The following SNRNP40 variants were observed in gnomAD, a reference collection of about 807,000 sequenced individuals.
SNRNP40 encodes U5 small nuclear ribonucleoprotein 40 kDa protein.
Under a neutral mutation model 45.8 loss-of-function variants are expected in SNRNP40, and 21 were observed. The observed-to-expected ratio is 0.46, with a 90% CI of 0.32 to 0.66. The LOEUF is 0.66. Among genes scored for constraint, SNRNP40 ranks in the 30% least tolerant of loss-of-function variants. The pLI is 0.03. For synonymous variants in SNRNP40, 142 were observed against 163.8 expected (o/e 0.87, Z 1.01); for missense variants, 344 against 439.1 (o/e 0.78, Z 1.94).
intron 3 of SNRNP40, among the ~76,000 whole-genome samples, chr1:31,289,945 G>A (rs776871465): frequency 2.0e-5 from 3 of 151,756 alleles, no homozygotes; most frequent in South Asian, 2.1e-4. Context: ...CTGCAGCCTC[G>A]ACCTCCTGGG....
intron 5 of SNRNP40, among the ~76,000 whole-genome samples, chr1:31,279,580 T>C (rs906218574): frequency 6.6e-6 from 1 of 151,718 alleles, no homozygotes; most frequent in African/African-American, 2.4e-5. Context: ...AAACCCTGTC[T>C]CTACCAAAAA....
Position 31,296,728 on chromosome 1 carries a change from C to T in SNRNP40, c.24G>A (p.Lys8=), listed in dbSNP as rs201970756. 3.5e-5 allele frequency: 56 copies of T among 1,612,020 alleles called. No individual in the cohort carries two copies. The highest frequency in any genetic ancestry group is 3.3e-4 in the Middle Eastern group (2 of 6,072). ...CTGGAACCAGCGGCAACTCTGGGCCCTTACGCTTCTGCTGTTCTATCATGG... is the reference window on the plus strand; with the variant it reads ...CTGGAACCAGCGGCAACTCTGGGCCTTTACGCTTCTGCTGTTCTATCATGG... MIEQQKR[K]GPELPLVPVK... Residue 8 remains lysine, a synonymous_variant, in exon 1 of 10, where the codon AAG becomes AAA. Coordinates refer to ENST00000263694, the MANE Select transcript of SNRNP40 (RefSeq NM_004814.3).
At chr1:31,261,784 GTT>G (rs1645860884) in intron 8 of SNRNP40, 152 bp from the exon 9 acceptor site, 2 of 571,140 alleles carry the variant, frequency 3.5e-6, no homozygotes, top group Non-Finnish European at 6.3e-6. Flanking sequence ...GGAACACAGA[GTT>G]TGAATAAGAC....
intron 8 of SNRNP40, among the ~76,000 whole-genome samples, chr1:31,264,186 C>A (rs1047620295): frequency 4.5e-4 from 68 of 152,186 alleles, no homozygotes; most frequent in African/African-American, 1.6e-3. Flanking sequence ...CACTTTTGGT[C>A]AAAAATGCAA....
chr1:31,272,892 C>T (rs981289375), intron 5 of SNRNP40, among the ~76,000 whole-genome samples: 1 of 152,192 alleles, frequency 6.6e-6, no homozygotes, highest in African/African-American at 2.4e-5. Context: ...ACTGGTATTA[C>T]ATAAAATACA....
At position 31,296,686 on chromosome 1, in the gene SNRNP40, A is replaced by G. The variant is rs1646164488; in HGVS notation, c.66T>C (p.His22=). 6.2e-7 allele frequency: 1 copy of G among 1,613,596 alleles called. No individual in the cohort carries two copies. The highest frequency in any genetic ancestry group is 1.3e-5 in the African/African-American group (1 of 75,030). The part of the protein sequence containing the change: ...LPLVPVKRQR[H]ELLLGAGSGP... ...CAGACCCCGCTCCCAACAGCAACTC[A>G]TGCCGCTGCCGCTTGACTGGAACCA... The change falls in exon 1 of 10, where the codon CAT becomes CAC. Residue 22 remains histidine, a synonymous_variant. Coordinates refer to ENST00000263694, the MANE Select transcript of SNRNP40 (RefSeq NM_004814.3).
chr1:31,294,985 A>G (rs763107671), intron 1 of SNRNP40, among the ~76,000 whole-genome samples: 1 of 151,974 alleles, frequency 6.6e-6, no homozygotes, highest in Admixed American at 6.6e-5. Context: ...CTGGGCAAAC[A>G]GCAATGAACA....
intron 8 of SNRNP40, among the ~76,000 whole-genome samples, chr1:31,267,298 A>G (rs575815184): frequency 2.1e-4 from 32 of 152,286 alleles, no homozygotes; most frequent in African/African-American, 7.5e-4. Context: ...AGATTATGAG[A>G]CTGAATTTTA....
At chr1:31,278,261 G>A (rs975744714) in intron 5 of SNRNP40, among the ~76,000 whole-genome samples, 4 of 152,136 alleles carry the variant, frequency 2.6e-5, no homozygotes, top group Non-Finnish European at 5.9e-5. Context: ...GAACAGTCCA[G>A]ATAAAGAGCC....
At chr1:31,287,165 C>T (rs1245063586) in intron 4 of SNRNP40, among the ~76,000 whole-genome samples, 1 of 152,036 alleles carries the variant, frequency 6.6e-6, no homozygotes, top group East Asian at 1.9e-4. Flanking sequence ...TACTTGCAAC[C>T]TAGTAACAAA....
At chr1:31,284,423 T>C (rs1181774098) in intron 4 of SNRNP40, among the ~76,000 whole-genome samples, 1 of 152,226 alleles carries the variant, frequency 6.6e-6, no homozygotes, top group Non-Finnish European at 1.5e-5. Flanking sequence ...GTGGTGGGAT[T>C]ACAGGCGTGA....
Position 31,271,452 on chromosome 1 carries a change from A to G in SNRNP40, c.702T>C (p.His234=), listed in dbSNP as rs1381264053. 1 of 1,613,596 alleles carries G rather than the reference A, an allele frequency of 6.2e-7. No individual in the cohort carries two copies. The highest frequency in any genetic ancestry group is 1.1e-5 in the South Asian group (1 of 91,066). Residue 234 remains histidine, a synonymous_variant, in exon 6 of 10, where the codon CAT becomes CAC. Coordinates refer to ENST00000263694, the MANE Select transcript of SNRNP40 (RefSeq NM_004814.3). ...QNKLTYTMRG[H]ADSVTGLSLS... is the part of the protein sequence containing the mutation. ...AACTCAGGCCAGTCACTGAATCTGC[A>G]TGGCCTCTCATGGTGTAGGTTAGCT... is the stretch of plus-strand genomic sequence containing the variant.
intron 4 of SNRNP40, among the ~76,000 whole-genome samples, chr1:31,285,084 TTAAAA>T (rs1297284743): frequency 6.6e-6 from 1 of 152,238 alleles, no homozygotes; most frequent in Non-Finnish European, 1.5e-5. Flanking sequence ...CAAAGTTTGT[TTAAAA>T]TAATTTAGAA....
intron 8 of SNRNP40, among the ~76,000 whole-genome samples, chr1:31,265,100 T>C (rs1645886899): frequency 6.6e-6 from 1 of 151,274 alleles, no homozygotes; most frequent in Non-Finnish European, 1.5e-5. Flanking sequence ...GGATAGGCTT[T>C]CCTCATACCA....
chr1:31,264,565 C>G (rs1194045028), intron 8 of SNRNP40, among the ~76,000 whole-genome samples: 2 of 152,126 alleles, frequency 1.3e-5, no homozygotes, highest in Admixed American at 1.3e-4. Flanking sequence ...GATCTCATAA[C>G]TTTGTTGAGA....
intron 6 of SNRNP40, chr1:31,269,504 T>C: frequency 1.4e-6 from 1 of 714,244 alleles, no homozygotes; most frequent in Non-Finnish European, 2.0e-6. Flanking sequence ...TGCAACAGAA[T>C]GCAGTTGGGT....
chr1:31,260,874 A>G (rs12121393), intron 9 of SNRNP40: 438 of 650,372 alleles, frequency 6.7e-4, no homozygotes, highest in Non-Finnish European at 7.9e-4. Flanking sequence ...AAAAAAAAAA[A>G]AAAAAAGTAT....
chr1:31,292,038 T>C, intron 2 of SNRNP40, 32 bp from the exon 3 acceptor site: 2 of 1,358,566 alleles, frequency 1.5e-6, no homozygotes, highest in Admixed American at 1.7e-5. Context: ...TGAGCATTAC[T>C]AGGCAAAGGG....
intron 5 of SNRNP40, among the ~76,000 whole-genome samples, chr1:31,280,030 C>A (rs1646004102): frequency 1.5e-5 from 2 of 135,058 alleles, no homozygotes; most frequent in South Asian, 5.0e-4. Context: ...ATTGCTTGAA[C>A]TGGGACCCAG....
Sources: gnomAD v4.1 joint callset for allele counts (sites outside exome capture counted in the v4.1 genomes callset) on GRCh38, gnomAD v4.1.1 for gene constraint, MANE v1.5 for transcripts, NCBI Gene and HGNC (gene_info 2026-07-23, HGNC 2026-07-21) for gene names.